AMD1: variants seen among roughly 807,000 people sequenced by gnomAD.
The protein encoded by AMD1 is adenosylmethionine decarboxylase 1.
Under a neutral mutation model 40.2 loss-of-function variants are expected in AMD1, and 11 were observed. The ratio of observed to expected loss-of-function variants is 0.27; its 90% CI spans 0.17 to 0.45. The LOEUF (loss-of-function observed/expected upper bound fraction) is 0.45, where lower values mean the gene tolerates loss of function less well. Ranked by LOEUF, AMD1 falls within the 20% of genes least tolerant of loss-of-function variation. The pLI is 1.00. For missense variants in AMD1, 257 were observed against 410.2 expected (o/e 0.63, Z 3.23); for synonymous variants, 121 against 130.8 (o/e 0.93, Z 0.51).
Position 110,892,729 on chromosome 6 carries a change from C to CCG in AMD1, c.616-5_616-4insGC. 1.9e-6 allele frequency: 3 copies of CCG among 1,611,628 alleles called. No homozygotes were observed. The highest frequency in any genetic ancestry group is 1.7e-6 in the Non-Finnish European group (2 of 1,179,026). ...CTTGTTAAACTCGGTCTTTTTCCCC[C>CCG]CCCAGGAGAGTGGAATTCGTGACCT... On this transcript the variant is annotated splice_region_variant and splice_polypyrimidine_tract_variant and intron_variant, in intron 6 of 8. Transcript: ENST00000368885.
the AMD1 span, chr6:110,848,757 A>G: frequency 7.8e-6 from 2 of 255,698 alleles, no homozygotes; most frequent in East Asian, 9.9e-5. Flanking sequence ...AAAGCCTGCA[A>G]TCTCCACACC....
the AMD1 span, among the ~76,000 whole-genome samples, chr6:110,854,443 TTTTC>T: frequency 1.3e-5 from 2 of 152,052 alleles, no homozygotes; most frequent in African/African-American, 2.4e-5. Flanking sequence ...CACTCCTTTC[TTTTC>T]TTTCTTTCTT....
chr6:110,857,164 C>CA, the AMD1 span, among the ~76,000 whole-genome samples: 7 of 150,668 alleles, frequency 4.6e-5, no homozygotes, highest in African/African-American at 1.7e-4. Context: ...GACTCTGTCT[C>CA]AAAAAAATAA....
chr6:110,821,507 G>A, the AMD1 span, among the ~76,000 whole-genome samples: 7 of 152,056 alleles, frequency 4.6e-5, no homozygotes, highest in Non-Finnish European at 1.5e-5. Context: ...CCAGCTACTT[G>A]GGAGGCTGAG....
At chr6:110,892,242 T>C in intron 5 of AMD1, 39 bp downstream of exon 5, 3 of 1,613,788 alleles carry the variant, frequency 1.9e-6, no homozygotes, top group Non-Finnish European at 2.5e-6. Context: ...TGTTGTCCTA[T>C]GTAAGATTTA....
chr6:110,886,374 C>T (rs530620497), intron 1 of AMD1, among the ~76,000 whole-genome samples: 75 of 152,238 alleles, frequency 4.9e-4, no homozygotes, highest in Middle Eastern at 3.4e-3. Flanking sequence ...CTTAAGCCAT[C>T]CCAATCCCAA....
intron 3 of AMD1, 192 bp from the exon 4 acceptor site, chr6:110,890,062 C>T (rs1476962702): frequency 4.0e-6 from 2 of 505,046 alleles, no homozygotes; most frequent in Non-Finnish European, 7.0e-6. Context: ...AGGCTGGACT[C>T]CTGGGCCAAG....
upstream of AMD1, among the ~76,000 whole-genome samples, chr6:110,871,766 A>T (rs1279474743): frequency 6.6e-6 from 1 of 152,218 alleles, no homozygotes; most frequent in Non-Finnish European, 1.5e-5. Context: ...GCATTCAAGT[A>T]GTCAGGCAAG....
chr6:110,862,999 C>CAGTG, the AMD1 span, among the ~76,000 whole-genome samples: 1 of 151,746 alleles, frequency 6.6e-6, no homozygotes, highest in African/African-American at 2.4e-5. Context: ...GGCTGGAGTG[C>CAGTG]AGTGGCGTGA....
the AMD1 span, among the ~76,000 whole-genome samples, chr6:110,822,597 T>C: frequency 6.6e-6 from 1 of 151,806 alleles, no homozygotes; most frequent in Non-Finnish European, 1.5e-5. Flanking sequence ...AAGGACATTT[T>C]AAAAAAAAGA....
chr6:110,819,605 G>A, the AMD1 span, among the ~76,000 whole-genome samples: 1 of 152,150 alleles, frequency 6.6e-6, no homozygotes, highest in Non-Finnish European at 1.5e-5. Flanking sequence ...AGATAAGCTT[G>A]GTTGGGGCAT....
the AMD1 span, among the ~76,000 whole-genome samples, chr6:110,835,512 T>C: frequency 0.049 from 7,437 of 152,234 alleles, 191 homozygotes; most frequent in Middle Eastern, 0.078. Flanking sequence ...CATTTGTCAT[T>C]GGAAAATATT....
At chr6:110,856,011 T>C in the AMD1 span, among the ~76,000 whole-genome samples, 1 of 151,848 alleles carries the variant, frequency 6.6e-6, no homozygotes, top group African/African-American at 2.4e-5. Context: ...GCCTGGGAGG[T>C]TGAGGTTGCA....
upstream of AMD1, among the ~76,000 whole-genome samples, chr6:110,874,043 T>C (rs1025898665): frequency 6.6e-6 from 1 of 152,268 alleles, no homozygotes; most frequent in African/African-American, 2.4e-5. Flanking sequence ...CGGAGGCTGC[T>C]GTGCTCAGCC....
At chr6:110,890,998 T>C (rs1027375236) in intron 4 of AMD1, 24 of 152,226 alleles carry the variant, frequency 1.6e-4, no homozygotes, top group African/African-American at 5.8e-4. Flanking sequence ...AATTTTAAAA[T>C]GTAGAATTGA....
At chr6:110,887,009 A>G (rs1275204375) in intron 1 of AMD1, among the ~76,000 whole-genome samples, 1 of 152,172 alleles carries the variant, frequency 6.6e-6, no homozygotes, top group Non-Finnish European at 1.5e-5. Flanking sequence ...TCTTCTAGGT[A>G]TGCTTGTAAT....
At chr6:110,831,618 G>A in the AMD1 span, among the ~76,000 whole-genome samples, 3 of 151,926 alleles carry the variant, frequency 2.0e-5, no homozygotes, top group Non-Finnish European at 4.4e-5. Flanking sequence ...TTAGTCAAAG[G>A]TTGGACCTCT....
the AMD1 span, among the ~76,000 whole-genome samples, chr6:110,869,345 G>T: frequency 6.6e-6 from 1 of 150,976 alleles, no homozygotes; most frequent in African/African-American, 2.4e-5. Flanking sequence ...TGTTAGCCAG[G>T]ATGATCTCGA....
At chr6:110,821,397 G>A in the AMD1 span, among the ~76,000 whole-genome samples, 2 of 152,028 alleles carry the variant, frequency 1.3e-5, no homozygotes, top group Non-Finnish European at 2.9e-5. Context: ...AAGAGTTCAA[G>A]ACCAGCCTGG....
Sources: gnomAD v4.1 joint callset for allele counts (sites outside exome capture counted in the v4.1 genomes callset) on GRCh38, gnomAD v4.1.1 for gene constraint, MANE v1.5 for transcripts, NCBI Gene and HGNC (gene_info 2026-07-23, HGNC 2026-07-21) for gene names.